The following ARHGAP26 variants were observed in gnomAD, a reference collection of about 807,000 sequenced individuals.
The protein encoded by ARHGAP26 is Rho GTPase activating protein 26.
Under a neutral mutation model 104.8 loss-of-function variants are expected in ARHGAP26, and 38 were observed. The observed-to-expected ratio is 0.36, with a 90% CI of 0.28 to 0.48. The LOEUF is 0.48. Ranked by LOEUF, ARHGAP26 falls within the 20% of genes least tolerant of loss-of-function variation. The pLI, the probability that ARHGAP26 is intolerant of heterozygous loss-of-function variation, is 0.99. For missense variants in ARHGAP26, 704 were observed against 947.9 expected, an observed-to-expected ratio of 0.74 and a Z score of 3.38; for synonymous variants, 341 against 340.0, an observed-to-expected ratio of 1.00 and a Z score of -0.03.
chr5:143,110,169 C>T (rs1042462726), intron 17 of ARHGAP26, among the ~76,000 whole-genome samples: 1 of 152,216 alleles, frequency 6.6e-6, no homozygotes, highest in African/African-American at 2.4e-5. Context: ...TTCCTCTATA[C>T]TCCCCATCCC....
intron 20 of ARHGAP26, among the ~76,000 whole-genome samples, chr5:143,190,470 C>T (rs770809493): frequency 2.0e-5 from 3 of 152,110 alleles, no homozygotes; most frequent in African/African-American, 2.4e-5. Flanking sequence ...ATTGAATTTT[C>T]GAAGTGCTTA....
intron 1 of ARHGAP26, among the ~76,000 whole-genome samples, chr5:142,794,625 G>C (rs1225837978): frequency 6.6e-6 from 1 of 152,218 alleles, no homozygotes; most frequent in Non-Finnish European, 1.5e-5. Context: ...GGCAGACTGT[G>C]AGCAGCCTAA....
chr5:142,804,948 A>G (rs962165477), intron 1 of ARHGAP26, among the ~76,000 whole-genome samples: 1 of 152,084 alleles, frequency 6.6e-6, no homozygotes, highest in Non-Finnish European at 1.5e-5. Context: ...TCAACGTATG[A>G]TTGTTTGTGT....
At chr5:143,173,517 G>A (rs853163) in intron 20 of ARHGAP26, among the ~76,000 whole-genome samples, 44,550 of 152,116 alleles carry the variant, frequency 0.29, 6,897 homozygotes, top group East Asian at 0.45. Context: ...TGTTTTATTA[G>A]TAAGAGTCAA....
At chr5:142,950,553 T>A (rs925041744) in intron 11 of ARHGAP26, among the ~76,000 whole-genome samples, 65 of 152,198 alleles carry the variant, frequency 4.3e-4, no homozygotes, top group African/African-American at 1.5e-3. Flanking sequence ...GATCCTTTTT[T>A]TGCTGCATTT....
intron 4 of ARHGAP26, among the ~76,000 whole-genome samples, chr5:142,884,709 A>T (rs568583966): frequency 6.6e-6 from 1 of 152,374 alleles, no homozygotes; most frequent in South Asian, 2.1e-4. Context: ...TTTTGCTAGC[A>T]TAAATGGTGC....
chr5:142,929,558 C>G (rs1208307676), intron 10 of ARHGAP26, among the ~76,000 whole-genome samples: 2 of 152,136 alleles, frequency 1.3e-5, no homozygotes, highest in Non-Finnish European at 2.9e-5. Context: ...CATGTGAATC[C>G]GTCCCCTACC....
chr5:142,977,952 C>A (rs969494182), intron 11 of ARHGAP26, among the ~76,000 whole-genome samples: 2 of 152,222 alleles, frequency 1.3e-5, no homozygotes, highest in African/African-American at 2.4e-5. Context: ...TTCATCAGCC[C>A]ATGGCTGGGA....
chr5:143,032,511 T>C (rs1378258818), intron 12 of ARHGAP26, among the ~76,000 whole-genome samples: 2 of 152,242 alleles, frequency 1.3e-5, no homozygotes. Context: ...AATCACCTGC[T>C]TGAGGGGATT....
chr5:143,217,380 G>A (rs766444193), intron 22 of ARHGAP26, among the ~76,000 whole-genome samples: 2 of 152,132 alleles, frequency 1.3e-5, no homozygotes, highest in Non-Finnish European at 2.9e-5. Context: ...CCAATCTACT[G>A]GGAAACTGTC....
At chr5:142,981,978 C>A (rs1225059759) in intron 11 of ARHGAP26, among the ~76,000 whole-genome samples, 1 of 152,216 alleles carries the variant, frequency 6.6e-6, no homozygotes, top group Non-Finnish European at 1.5e-5. Context: ...TTGCATTAGT[C>A]CACTTGGAAG....
intron 11 of ARHGAP26, among the ~76,000 whole-genome samples, chr5:142,982,693 A>T (rs551936698): frequency 4.6e-5 from 7 of 152,256 alleles, no homozygotes; most frequent in Admixed American, 2.0e-4. Flanking sequence ...AGGTTTTGAA[A>T]TGGTATGCAT....
chr5:143,124,108 C>T (rs1404679592), intron 18 of ARHGAP26, among the ~76,000 whole-genome samples: 1 of 152,204 alleles, frequency 6.6e-6, no homozygotes, highest in Non-Finnish European at 1.5e-5. Flanking sequence ...AACAAGTTTG[C>T]TTGAAACAAG....
At position 142,879,460 on chromosome 5, in the gene ARHGAP26, A is replaced by G. The variant is rs1284649216; in HGVS notation, c.384+15A>G. The G allele has an allele frequency of 1.2e-6, 2 of 1,607,368 alleles. No individual in the cohort carries two copies. Among genetic ancestry groups the G allele is most frequent in the Admixed American group, 1.7e-5 (1 of 59,100 alleles). ...GGGCTGCCAAGGTGAGAATTTTGCAAGCTTTGGTCTGGATTTTAGGGTGAG... is the reference window on the plus strand; with the variant it reads ...GGGCTGCCAAGGTGAGAATTTTGCAGGCTTTGGTCTGGATTTTAGGGTGAG... On this transcript the variant is annotated intron_variant, in intron 4 of 22. Transcript: ENST00000645722.
chr5:143,100,200 A>G (rs1158728403), intron 17 of ARHGAP26, among the ~76,000 whole-genome samples: 3 of 152,246 alleles, frequency 2.0e-5, no homozygotes, highest in Non-Finnish European at 4.4e-5. Flanking sequence ...GAGACGTGAA[A>G]TATCAGGTTC....
Position 142,873,383 on chromosome 5 carries a change from T to C in ARHGAP26, c.155-17T>C, listed in dbSNP as rs376170795. ...AATTTTAGTAATTCCTGATTTTTCC[T>C]GTCTTTTTCTTGCTAGATTTGTCTT... On this transcript the variant is annotated splice_polypyrimidine_tract_variant and intron_variant, in intron 1 of 22. Transcript: ENST00000645722. The C allele has an allele frequency of 3.2e-6, 5 of 1,584,262 alleles. No homozygotes were observed. Among genetic ancestry groups the C allele is most frequent in the Non-Finnish European group, 4.3e-6 (5 of 1,167,088 alleles).
chr5:143,017,169 T>G (rs1283044460), intron 12 of ARHGAP26, among the ~76,000 whole-genome samples: 3 of 152,224 alleles, frequency 2.0e-5, no homozygotes, highest in African/African-American at 4.8e-5. Flanking sequence ...TGGTGGGAAT[T>G]TCAATGCAAA....
chr5:143,007,366 G>A (rs1392451311), intron 11 of ARHGAP26, among the ~76,000 whole-genome samples: 1 of 152,128 alleles, frequency 6.6e-6, no homozygotes, highest in East Asian at 1.9e-4. Context: ...ATCCTAAAAT[G>A]TCTCAAGCTG....
chr5:142,866,045 T>A (rs1243786209), intron 1 of ARHGAP26, among the ~76,000 whole-genome samples: 1 of 149,346 alleles, frequency 6.7e-6, no homozygotes, highest in African/African-American at 2.5e-5. Context: ...CTTTTTTTTT[T>A]TTTGGAAGCC....
Sources: allele counts gnomAD v4.1 joint callset (sites outside exome capture counted in the v4.1 genomes callset), GRCh38; gene constraint gnomAD v4.1.1; transcripts MANE v1.5; gene names NCBI Gene and HGNC (gene_info 2026-07-23, HGNC 2026-07-21).